ECT2: variants seen among roughly 807,000 people sequenced by gnomAD.
The protein encoded by ECT2 is protein ECT2.
In ECT2, 61 loss-of-function variants were observed where a neutral mutation model predicts 116.9. That is an observed-to-expected ratio of 0.52 (90% CI 0.42 to 0.65). ECT2 has a LOEUF of 0.65. Ranked by LOEUF, ECT2 falls within the 30% of genes least tolerant of loss-of-function variation. The pLI is 0.00. For synonymous variants in ECT2, 358 were observed against 346.4 expected (o/e 1.03, Z -0.37); for missense variants, 937 against 1,078.7 (o/e 0.87, Z 1.84).
At chr3:172,795,973 GTTAT>G (rs1013782362) in intron 18 of ECT2, among the ~76,000 whole-genome samples, 9 of 151,926 alleles carry the variant, frequency 5.9e-5, no homozygotes, top group Non-Finnish European at 5.9e-5. Context: ...AAATTCACAG[GTTAT>G]TTAAAGTTTG....
chr3:172,769,133 C>A lies in ECT2; in HGVS notation c.1418C>A (p.Thr473Lys). 6.2e-7 allele frequency: 1 copy of A among 1,610,892 alleles called. No individual in the cohort carries two copies. The stretch of plus-strand genomic sequence containing the variant: ...AGTAATTATGTTAATATATTGGCAA[C>A]AATTATTCAGGTAAGTATGAGTTTG... ...TESNYVNILATIIQLFQVPLE... is the reference protein window; with the variant it reads ...TESNYVNILAKIIQLFQVPLE... The change falls in exon 13 of 25, where the codon ACA becomes AAA. Residue 473 changes from threonine to lysine, a missense_variant. Transcript: ENST00000392692.
chr3:172,786,605 G>T, intron 18 of ECT2, 31 bp downstream of exon 18: 1 of 1,427,424 alleles, frequency 7.0e-7, no homozygotes, highest in Non-Finnish European at 9.8e-7. Flanking sequence ...TTTTGATTGT[G>T]CCTTAGATTT....
chr3:172,815,770 C>A, intron 23 of ECT2, 59 bp downstream of exon 23: 1 of 1,089,000 alleles, frequency 9.2e-7, no homozygotes, highest in South Asian at 1.4e-5. Context: ...AGACTATATT[C>A]AAATAATATT....
chr3:172,768,029 G>T (rs2108426698), intron 12 of ECT2, among the ~76,000 whole-genome samples: 1 of 152,222 alleles, frequency 6.6e-6, no homozygotes, highest in Admixed American at 6.5e-5. Flanking sequence ...ACCGTGCCTG[G>T]CCGCAAATTT....
At chr3:172,824,735 A>G (rs950165693), downstream of ECT2, among the ~76,000 whole-genome samples, 12 of 152,248 alleles carry the variant, frequency 7.9e-5, no homozygotes, top group African/African-American at 2.9e-4. Context: ...TCTTTTTACA[A>G]TTGCAGAGTA....
downstream of ECT2, among the ~76,000 whole-genome samples, chr3:172,824,766 CTA>C (rs1461398479): frequency 9.2e-5 from 14 of 152,224 alleles, no homozygotes; most frequent in African/African-American, 3.4e-4. Context: ...TGAGTGGACT[CTA>C]TTTTATTCAC....
At chr3:172,808,683 T>A (rs1185447406) in intron 22 of ECT2, among the ~76,000 whole-genome samples, 2 of 152,112 alleles carry the variant, frequency 1.3e-5, no homozygotes, top group Non-Finnish European at 2.9e-5. Flanking sequence ...TGACATAGAT[T>A]GAAGAGAATA....
intron 24 of ECT2, chr3:172,818,726 A>G (rs1301125742): frequency 3.1e-6 from 4 of 1,288,756 alleles, no homozygotes; most frequent in East Asian, 5.6e-5. Context: ...TCAAATTTCA[A>G]AAAAGTTCTT....
intron 4 of ECT2, among the ~76,000 whole-genome samples, chr3:172,756,135 C>T (rs1576830255): frequency 6.6e-6 from 1 of 152,140 alleles, no homozygotes; most frequent in Admixed American, 6.5e-5. Flanking sequence ...TTAATTACCT[C>T]TTTAAAGTCC....
chr3:172,790,940 A>C (rs1724541715), intron 18 of ECT2, among the ~76,000 whole-genome samples: 1 of 152,212 alleles, frequency 6.6e-6, no homozygotes, highest in South Asian at 2.1e-4. Context: ...AGATCACTTG[A>C]GGCCAGGAGT....
chr3:172,783,212 T>C (rs1163562275), intron 15 of ECT2, among the ~76,000 whole-genome samples: 1 of 152,182 alleles, frequency 6.6e-6, no homozygotes, highest in Non-Finnish European at 1.5e-5. Context: ...TAAGTTTCAG[T>C]GCCTTGAGTA....
Position 172,816,698 on chromosome 3 carries a change from G to A in ECT2, c.2516G>A (p.Arg839Lys). 1 of 1,598,910 alleles carries A rather than the reference G, an allele frequency of 6.3e-7. No homozygotes were observed. Among genetic ancestry groups the A allele is most frequent in the Non-Finnish European group, 8.6e-7 (1 of 1,169,378 alleles). The change falls in exon 24 of 25, where the codon AGA (arginine) becomes AAA (lysine). Residue 839 changes from arginine (R) to lysine (K), a missense_variant. By Grantham distance (26) the Arg-to-Lys change is conservative. Transcript: ENST00000392692. ...TTGTAACTTAAACTCTAGGTTACAAGAGCATTCTCTTTCTCCAAAACTCCA... is the reference window on the plus strand; with the variant it reads ...TTGTAACTTAAACTCTAGGTTACAAAAGCATTCTCTTTCTCCAAAACTCCA... Reference protein sequence around the residue: ...AIKKTSKKVTRAFSFSKTPKR... With the variant: ...AIKKTSKKVTKAFSFSKTPKR...
chr3:172,772,398 ATC>A (rs1164802009), intron 13 of ECT2, among the ~76,000 whole-genome samples: 3 of 152,102 alleles, frequency 2.0e-5, no homozygotes, highest in Admixed American at 2.0e-4. Flanking sequence ...GGGTTTCACC[ATC>A]TTAGGCAGAA....
At chr3:172,775,934 G>A (rs1227478114) in intron 14 of ECT2, among the ~76,000 whole-genome samples, 1 of 152,126 alleles carries the variant, frequency 6.6e-6, no homozygotes, top group African/African-American at 2.4e-5. Context: ...GTCCTGTCAA[G>A]TAGGTTTTTA....
intron 16 of ECT2, 101 bp from the exon 17 acceptor site, chr3:172,784,606 T>G: frequency 1.2e-6 from 1 of 816,128 alleles, no homozygotes; most frequent in Non-Finnish European, 2.1e-6. Flanking sequence ...CTCTATTAGT[T>G]TGTATCACAG....
chr3:172,760,522 T>A (rs1046280441), intron 7 of ECT2, among the ~76,000 whole-genome samples: 1 of 151,944 alleles, frequency 6.6e-6, no homozygotes, highest in Non-Finnish European at 1.5e-5. Context: ...GCTTAAGTGA[T>A]CCTCCTGCCT....
intron 17 of ECT2, 147 bp downstream of exon 17, chr3:172,784,950 AAT>A: frequency 2.1e-6 from 1 of 481,660 alleles, no homozygotes; most frequent in Non-Finnish European, 3.6e-6. Flanking sequence ...TATCTTAAAA[AAT>A]AGTTACTGGT....
At chr3:172,756,666 A>G (rs1203900598) in intron 4 of ECT2, among the ~76,000 whole-genome samples, 1 of 152,186 alleles carries the variant, frequency 6.6e-6, no homozygotes, top group East Asian at 1.9e-4. Flanking sequence ...TAGCATTCTA[A>G]TTTTATGGAA....
At chr3:172,764,244 G>A in intron 11 of ECT2, 34 bp from the exon 12 acceptor site, 2 of 1,565,456 alleles carry the variant, frequency 1.3e-6, no homozygotes, top group Non-Finnish European at 8.8e-7. Flanking sequence ...AAGAACCATG[G>A]AAGTAAATTG....
Sources: allele counts gnomAD v4.1 joint callset (sites outside exome capture counted in the v4.1 genomes callset), GRCh38; gene constraint gnomAD v4.1.1; transcripts MANE v1.5; gene names NCBI Gene and HGNC (gene_info 2026-07-23, HGNC 2026-07-21).